SYT16: variants seen among roughly 807,000 people sequenced by gnomAD.
The protein encoded by SYT16 is synaptotagmin-16.
Under a neutral mutation model 61.4 loss-of-function variants are expected in SYT16, and 42 were observed. The observed-to-expected ratio is 0.68, with a 90% CI of 0.53 to 0.89. The LOEUF (loss-of-function observed/expected upper bound fraction) is 0.89, where lower values mean the gene tolerates loss of function less well. SYT16 is among the 40% of genes least tolerant of loss of function. The probability of loss-of-function intolerance (pLI) is 0.00; values close to 1 mark genes in which losing one functional copy is unlikely to be tolerated. For missense variants in SYT16, 804 were observed against 807.3 expected (o/e 1.00, Z 0.05); for synonymous variants, 314 against 302.3 (o/e 1.04, Z -0.40).
chr14:62,105,348 C>A lies in SYT16; in HGVS notation c.*4641C>A. On this transcript the variant is annotated 3_prime_UTR_variant, in exon 8 of 8. Coordinates refer to ENST00000683842, the MANE Select transcript of SYT16 (RefSeq NM_001367656.1). The stretch of plus-strand genomic sequence containing the variant: ...TTTGACTACATATTTCAACTGTGAT[C>A]CAAAAAAGTAAAATAAATGATGTGA... 6.6e-6 allele frequency: 1 copy of A among 151,992 alleles called. No individual in the cohort carries two copies. The highest frequency in any genetic ancestry group is 1.9e-4 in the East Asian group (1 of 5,196). The allele number at this position is 151,992 out of a possible 1,614,324, so 9.4% of individuals were successfully genotyped here.
intron 3 of SYT16, among the ~76,000 whole-genome samples, chr14:62,025,791 T>C (rs1291517842): frequency 6.6e-6 from 1 of 152,150 alleles, no homozygotes; most frequent in Non-Finnish European, 1.5e-5. Context: ...TGGTCTATTT[T>C]AGTTTTATTG....
chr14:61,907,044 T>C (rs1166754336), intron 1 of SYT16, among the ~76,000 whole-genome samples: 1 of 152,216 alleles, frequency 6.6e-6, no homozygotes, highest in African/African-American at 2.4e-5. Context: ...GAATTTCTGC[T>C]CCAAAAGCCT....
intron 1 of SYT16, among the ~76,000 whole-genome samples, chr14:61,949,624 G>A (rs1352660814): frequency 6.6e-6 from 1 of 152,102 alleles, no homozygotes; most frequent in Non-Finnish European, 1.5e-5. Context: ...GCACTGGGCT[G>A]ATTCTTGTAT....
chr14:62,041,929 C>A (rs927774808), intron 3 of SYT16, among the ~76,000 whole-genome samples: 3 of 152,124 alleles, frequency 2.0e-5, no homozygotes, highest in South Asian at 2.1e-4. Context: ...TGCCATCAAT[C>A]CCAGTCAGTA....
chr14:61,899,600 C>T (rs952515903), intron 1 of SYT16, among the ~76,000 whole-genome samples: 3 of 152,186 alleles, frequency 2.0e-5, no homozygotes, highest in Non-Finnish European at 4.4e-5. Context: ...GCATCATGAG[C>T]TTTGCAACCG....
intron 2 of SYT16, among the ~76,000 whole-genome samples, chr14:61,978,305 A>G (rs1395060667): frequency 6.6e-6 from 1 of 152,164 alleles, no homozygotes; most frequent in African/African-American, 2.4e-5. Flanking sequence ...TGAAAATTGG[A>G]GGCAAGATTC....
chr14:61,836,297 C>G (rs905417936), intron 1 of SYT16, among the ~76,000 whole-genome samples: 1 of 152,184 alleles, frequency 6.6e-6, no homozygotes, highest in African/African-American at 2.4e-5. Context: ...ACTTTACTGC[C>G]GGTGGCTGCT....
intron 2 of SYT16, among the ~76,000 whole-genome samples, chr14:61,991,151 AACACAC>A (rs201505217): frequency 6.6e-6 from 1 of 151,508 alleles, no homozygotes; most frequent in Non-Finnish European, 1.5e-5. Context: ...TTGTATGGTA[AACACAC>A]ACACACACAT....
chr14:62,061,631 G>C (rs180924936), intron 3 of SYT16, among the ~76,000 whole-genome samples: 36 of 152,070 alleles, frequency 2.4e-4, no homozygotes, highest in Admixed American at 2.4e-3. Context: ...TTCAAGACAA[G>C]GAGTATTAGG....
rs2057440371 is a variant in SYT16, at chr14:62,102,493, G to T, written c.*1786G>T. The T allele has an allele frequency of 6.6e-6, 1 of 152,018 alleles. No individual in the cohort carries two copies. The highest frequency in any genetic ancestry group is 2.4e-5 in the African/African-American group (1 of 41,380). The allele number at this position is 152,018 out of a possible 1,614,324, so 9.4% of individuals were successfully genotyped here. A position where few individuals can be genotyped will look rare whatever the true frequency, so the allele number is the denominator to read the frequency against. ...GGGTTTTTACCCTACCTTTCTTTGG[G>T]AGATCTCAGAGTGCTTTTCCAGCAT... On this transcript the variant is annotated 3_prime_UTR_variant, in exon 8 of 8. Transcript: ENST00000683842.
At chr14:61,904,785 A>T (rs1215850751) in intron 1 of SYT16, among the ~76,000 whole-genome samples, 1 of 152,214 alleles carries the variant, frequency 6.6e-6, no homozygotes, top group Admixed American at 6.5e-5. Context: ...TGTCACATGT[A>T]TAATATTTAT....
At chr14:62,087,790 T>TC (rs113730106) in intron 7 of SYT16, among the ~76,000 whole-genome samples, 34,743 of 151,806 alleles carry the variant, frequency 0.23, 4,753 homozygotes, top group African/African-American at 0.37. Flanking sequence ...TCTGTTGGGG[T>TC]TTAGAAGAAA....
chr14:61,947,106 G>C (rs932637814), intron 1 of SYT16, among the ~76,000 whole-genome samples: 1 of 152,094 alleles, frequency 6.6e-6, no homozygotes, highest in African/African-American at 2.4e-5. Context: ...GCAAAGAGTG[G>C]ATGCTGTGAT....
At chr14:61,853,244 A>T (rs2046671000) in intron 1 of SYT16, among the ~76,000 whole-genome samples, 1 of 152,230 alleles carries the variant, frequency 6.6e-6, no homozygotes, top group Non-Finnish European at 1.5e-5. Context: ...TGTCCCAAAC[A>T]GACAGAGCTT....
At chr14:61,864,817 C>T (rs2047086019) in intron 1 of SYT16, 4 of 988,554 alleles carry the variant, frequency 4.0e-6, no homozygotes, top group Non-Finnish European at 6.2e-6. Flanking sequence ...AAATCACAGT[C>T]TACCATTATG....
intron 1 of SYT16, among the ~76,000 whole-genome samples, chr14:61,890,674 GAAATTGTGTATGTTAGT>G: frequency 6.6e-6 from 1 of 152,130 alleles, no homozygotes; most frequent in Non-Finnish European, 1.5e-5. Context: ...ACCAATGACA[GAAATTGTGTATGTTAGT>G]AAATTGCGTA....
At chr14:61,892,474 C>A (rs1401839434) in intron 1 of SYT16, among the ~76,000 whole-genome samples, 2 of 152,178 alleles carry the variant, frequency 1.3e-5, no homozygotes, top group African/African-American at 4.8e-5. Flanking sequence ...TTCTTCCTCA[C>A]CCCAGCCCTC....
At chr14:61,984,777 T>C (rs1462624055) in intron 2 of SYT16, among the ~76,000 whole-genome samples, 6 of 152,292 alleles carry the variant, frequency 3.9e-5, no homozygotes, top group Non-Finnish European at 2.9e-5. Context: ...TGTATAACTA[T>C]ATATAATGCT....
intron 1 of SYT16, among the ~76,000 whole-genome samples, chr14:61,835,350 C>A (rs1313434522): frequency 7.0e-6 from 1 of 142,842 alleles, no homozygotes; most frequent in Non-Finnish European, 1.5e-5. Flanking sequence ...CCTCCTCCTT[C>A]TGGGTTCAAG....
Sources: allele counts gnomAD v4.1 joint callset (sites outside exome capture counted in the v4.1 genomes callset), GRCh38; gene constraint gnomAD v4.1.1; transcripts MANE v1.5; gene names NCBI Gene and HGNC (gene_info 2026-07-23, HGNC 2026-07-21).